KCNH4: variants seen among roughly 807,000 people sequenced by gnomAD.
KCNH4 encodes potassium voltage-gated channel subfamily H member 4.
In KCNH4, 33 loss-of-function variants were observed where a neutral mutation model predicts 90.7. The ratio of observed to expected loss-of-function variants is 0.36; its 90% CI spans 0.28 to 0.49. The LOEUF (loss-of-function observed/expected upper bound fraction) is 0.49. Ranked by LOEUF, KCNH4 falls within the 20% of genes least tolerant of loss-of-function variation. The pLI, the probability that KCNH4 is intolerant of heterozygous loss-of-function variation, is 0.98. For synonymous variants in KCNH4, 551 were observed against 581.7 expected (o/e 0.95, Z 0.76); for missense variants, 1,044 against 1,387.1 (o/e 0.75, Z 3.93).
In KCNH4 at chr17:42,181,102, GAACCCC is replaced by G; in HGVS notation, c.-163_-158del. 1 of 629,846 alleles carries G rather than the reference GAACCCC, an allele frequency of 1.6e-6. No individual in the cohort carries two copies. The highest frequency in any genetic ancestry group is 2.7e-6 in the Non-Finnish European group (1 of 369,902). The allele number at this position is 629,846 out of a possible 1,614,324, so 39.0% of individuals were successfully genotyped here. On this transcript the variant is annotated 5_prime_UTR_variant, in exon 1 of 17. Coordinates refer to ENST00000264661, the MANE Select transcript of KCNH4 (RefSeq NM_012285.3). ...CTGCCGCTGCCGCTGCCTCTGCTCC[GAACCCC>G]GTAGCTCTCGGCTCGGCTCAGCGCC... is the stretch of plus-strand genomic sequence containing the variant.
chr17:42,161,524 CAG>C (rs983260765), intron 15 of KCNH4, among the ~76,000 whole-genome samples: 20 of 152,224 alleles, frequency 1.3e-4, no homozygotes, highest in Non-Finnish European at 2.6e-4. Context: ...TCTTCCTGGA[CAG>C]AGTTCAGACA....
intron 8 of KCNH4, 30 bp downstream of exon 8, chr17:42,170,077 C>A: frequency 2.6e-6 from 4 of 1,554,790 alleles, no homozygotes; most frequent in Non-Finnish European, 3.5e-6. Context: ...TTCGCAGGGC[C>A]CCACTGAGGC....
intron 9 of KCNH4, among the ~76,000 whole-genome samples, chr17:42,168,730 G>A (rs2079804706): frequency 6.6e-6 from 1 of 151,880 alleles, no homozygotes; most frequent in Non-Finnish European, 1.5e-5. Flanking sequence ...CCCGGGCCCT[G>A]TTTGCCTCCC....
intron 8 of KCNH4, 88 bp from the exon 9 acceptor site, chr17:42,169,764 G>A (rs924809573): frequency 5.0e-6 from 7 of 1,386,636 alleles, no homozygotes; most frequent in Non-Finnish European, 7.0e-6. Flanking sequence ...TGGACCAAGA[G>A]CCAGCGGGCT....
intron 9 of KCNH4, among the ~76,000 whole-genome samples, chr17:42,166,875 C>T (rs1283359956): frequency 6.6e-6 from 1 of 152,180 alleles, no homozygotes; most frequent in African/African-American, 2.4e-5. Flanking sequence ...CAGCTCGGCT[C>T]CTAAGTCCCT....
chr17:42,172,218 T>C lies in KCNH4; in HGVS notation c.988-223A>G, dbSNP rs144581094. ...ACTTTGTAATTACTTTTTTTTTTTT[T>C]TTTGAGGTAGAGTCTCGCTCTGTAG... On this transcript the variant is annotated intron_variant, in intron 6 of 16. Coordinates refer to ENST00000264661, the MANE Select transcript of KCNH4 (RefSeq NM_012285.3). Among the ~76,000 whole-genome samples, 8 of 152,002 alleles carry C rather than the reference T, an allele frequency of 5.3e-5. No individual in the cohort carries two copies. The East Asian group carries it at 1.5e-3, about 29-fold the overall frequency.
At chr17:42,162,366 C>G in intron 14 of KCNH4, 45 bp from the exon 15 acceptor site, 1 of 1,546,926 alleles carries the variant, frequency 6.5e-7, no homozygotes. Context: ...GCATTAATAC[C>G]TGAGCCTATA....
In KCNH4 at chr17:42,165,607, T is replaced by C. The variant is rs933926515; in HGVS notation, c.1927A>G (p.Ser643Gly). Residue 643 changes from serine (S) to glycine (G), a missense_variant, in exon 11 of 17, where the codon AGT becomes GGT. Coordinates refer to ENST00000264661, the MANE Select transcript of KCNH4 (RefSeq NM_012285.3). ...GADPNFVLKT[S>G]ADVKALTYCG... ...TAGGTCAGAGCTTTCACATCAGCAC[T>C]GGTCTTTAGCACGAAGTTTGGGTCT... The C allele has an allele frequency of 1.2e-6, 2 of 1,614,182 alleles. No homozygotes were observed. The highest frequency in any genetic ancestry group is 1.7e-6 in the Non-Finnish European group (2 of 1,180,024).
chr17:42,176,437 G>C, intron 4 of KCNH4, 140 bp from the exon 5 acceptor site: 1 of 689,054 alleles, frequency 1.5e-6, no homozygotes, highest in South Asian at 1.9e-5. Flanking sequence ...GGAGATAGAA[G>C]GCCAGGAGAG....
At position 42,178,279 on chromosome 17, in the gene KCNH4, G is replaced by T. The variant is rs2079876647; in HGVS notation, c.457+52C>A. ...CGTTGGGGCACATCCCTTGCGGCTG[G>T]TTAGGCGAAGGCTTCTGACCATTCA... On this transcript the variant is annotated intron_variant, in intron 3 of 16. Coordinates refer to ENST00000264661, the MANE Select transcript of KCNH4 (RefSeq NM_012285.3). 3.1e-6 allele frequency: 5 copies of T among 1,614,164 alleles called. No individual in the cohort carries two copies. The East Asian group carries it at 1.1e-4, about 36-fold the overall frequency.
rs2079860549 is a variant in KCNH4, at chr17:42,176,255, C to G, written c.628G>C (p.Ala210Pro). 1 of 1,613,586 alleles carries G rather than the reference C, an allele frequency of 6.2e-7. No homozygotes were observed. Among genetic ancestry groups the G allele is most frequent in the Non-Finnish European group, 8.5e-7 (1 of 1,179,916 alleles). Reference sequence around the variant, plus strand: ...AGGCAGCGAGACCCCCCCACGGAGGCCACCTTGTACTCGGGCACTGATGGC... The same window carrying G: ...AGGCAGCGAGACCCCCCCACGGAGGGCACCTTGTACTCGGGCACTGATGGC... ...PKPSVPEYKVASVGGSRCLLL... is the reference protein window; with the variant it reads ...PKPSVPEYKVPSVGGSRCLLL... Residue 210 changes from alanine to proline, a missense_variant, in exon 5 of 17, where the codon GCC becomes CCC. Coordinates refer to ENST00000264661, the MANE Select transcript of KCNH4 (RefSeq NM_012285.3).
Position 42,165,502 on chromosome 17 carries a change from C to T in KCNH4, c.2032G>A (p.Ala678Thr). ...LYPEYGAAFR[A>T]GLPRDLTFNL... ...AAGGTGAGGTCCCGGGGCAGGCCAG[C>T]CCGGAAGGCAGCCCCATACTCAGGA... Residue 678 changes from alanine (A) to threonine (T), a missense_variant, in exon 11 of 17, where the codon GCT becomes ACT. Ala to Thr is a moderately conservative substitution (Grantham distance 58, BLOSUM62 0). This residue lies in a region of KCNH4 where 441 missense variants were observed against 512.3 expected (regional missense o/e 0.86). Transcript: ENST00000264661. 6.2e-7 allele frequency: 1 copy of T among 1,614,170 alleles called. No homozygotes were observed. Among genetic ancestry groups the T allele is most frequent in the Non-Finnish European group, 8.5e-7 (1 of 1,180,028 alleles).
At chr17:42,160,927 T>C (rs867331297) in intron 15 of KCNH4, among the ~76,000 whole-genome samples, 15 of 135,034 alleles carry the variant, frequency 1.1e-4, no homozygotes, top group South Asian at 8.0e-4. Flanking sequence ...TTTCTTTTTT[T>C]TTTTTTTTTT....
chr17:42,165,737 G>A lies in KCNH4; in HGVS notation c.1841-44C>T, dbSNP rs769747250. Reference sequence around the variant, plus strand: ...GACAGTCAGCTGGGGCAGTGAGAACGAAAGGATATCAGCTGGAGGTGCTCA... The same window carrying A: ...GACAGTCAGCTGGGGCAGTGAGAACAAAAGGATATCAGCTGGAGGTGCTCA... On this transcript the variant is annotated intron_variant, in intron 10 of 16. Transcript: ENST00000264661. 11 of 1,610,538 alleles carry A rather than the reference G, an allele frequency of 6.8e-6. No homozygotes were observed. In the South Asian group the frequency reaches 8.8e-5, roughly 13 times the overall value.
intron 16 of KCNH4, among the ~76,000 whole-genome samples, chr17:42,159,420 T>C (rs1021703496): frequency 6.6e-6 from 1 of 152,126 alleles, no homozygotes; most frequent in African/African-American, 2.4e-5. Flanking sequence ...GTTTGTTTCC[T>C]GTGTGGGCTG....
In KCNH4 at chr17:42,171,795, C is replaced by T. The variant is rs1431890103; in HGVS notation, c.1188G>A (p.Trp396Ter). 1 of 1,613,914 alleles carries T rather than the reference C, an allele frequency of 6.2e-7. No individual in the cohort carries two copies. The highest frequency in any genetic ancestry group is 8.5e-7 in the Non-Finnish European group (1 of 1,180,022). ...TTGGGGTCGGTGGCTCACCAATGTC[C>T]CAGAGCAGCGGGTCATTGGCCTCCA... ...REMEANDPLL[W>*]DIGWLHELGK... The change falls in exon 7 of 17, where the codon TGG becomes TGA. Residue 396 changes from tryptophan to a stop codon, truncating the protein, a stop_gained. Coordinates refer to ENST00000264661, the MANE Select transcript of KCNH4 (RefSeq NM_012285.3). LOFTEE classifies it high-confidence loss of function.
intron 9 of KCNH4, 140 bp downstream of exon 9, chr17:42,169,337 C>A: frequency 1.3e-6 from 1 of 780,704 alleles, no homozygotes; most frequent in Non-Finnish European, 2.1e-6. Flanking sequence ...GCCTCAGCCT[C>A]CCAAAGTGCT....
intron 9 of KCNH4, among the ~76,000 whole-genome samples, chr17:42,168,772 A>ATTTTTTTTTTTTTTTTTTT (rs1568034449): frequency 6.6e-6 from 1 of 150,548 alleles, no homozygotes; most frequent in African/African-American, 2.4e-5. Flanking sequence ...TTTTATTTTT[A>ATTTTTTTTTTTTTTTTTTT]TTTTTATTTT....
intron 15 of KCNH4, among the ~76,000 whole-genome samples, chr17:42,160,765 G>A (rs73311695): frequency 0.018 from 2,741 of 152,198 alleles, 52 homozygotes; most frequent in African/African-American, 0.051. Context: ...AAGCTCAAGG[G>A]TCTCTATCAG....
Sources: gnomAD v4.1 joint callset for allele counts (sites outside exome capture counted in the v4.1 genomes callset) on GRCh38, gnomAD v4.1.1 for gene constraint, gnomAD v4.1.1 regional missense constraint, MANE v1.5 for transcripts, NCBI Gene and HGNC (gene_info 2026-07-23, HGNC 2026-07-21) for gene names.